Variants in UNC45A observed in about 807,000 individuals in gnomAD.
UNC45A encodes unc-45 myosin chaperone A.
Under a neutral mutation model 103.2 loss-of-function variants are expected in UNC45A, and 78 were observed. The observed-to-expected ratio is 0.76, with a 90% CI of 0.63 to 0.91. The LOEUF (loss-of-function observed/expected upper bound fraction) is 0.91, where lower values mean the gene tolerates loss of function less well. Ranked by LOEUF, UNC45A falls within the 40% of genes least tolerant of loss-of-function variation. The probability of loss-of-function intolerance (pLI) is 0.00; values close to 1 mark genes in which losing one functional copy is unlikely to be tolerated. For missense variants in UNC45A, 1,193 were observed against 1,224.8 expected, an observed-to-expected ratio of 0.97 and a Z score of 0.39; for synonymous variants, 495 against 504.6, an observed-to-expected ratio of 0.98 and a Z score of 0.25.
upstream of UNC45A, chr15:90,935,083 G>T: frequency 1.7e-6 from 1 of 578,564 alleles, no homozygotes; most frequent in East Asian, 3.1e-5. Context: ...TGGGTCCTCC[G>T]CCGCGAGCTC....
chr15:90,940,710 C>T, intron 6 of UNC45A: 1 of 300,736 alleles, frequency 3.3e-6, no homozygotes, highest in Non-Finnish European at 6.0e-6. Flanking sequence ...GTCAGGAGTT[C>T]AAGACCAGCC....
intron 6 of UNC45A, among the ~76,000 whole-genome samples, chr15:90,941,654 C>G (rs892580168): frequency 2.6e-5 from 4 of 152,012 alleles, no homozygotes; most frequent in Non-Finnish European, 5.9e-5. Context: ...CTAGGGTTCT[C>G]CAGCTTAGAA....
upstream of UNC45A, chr15:90,931,543 C>G (rs2035791578): frequency 6.2e-7 from 1 of 1,614,074 alleles, no homozygotes; most frequent in Admixed American, 1.7e-5. Context: ...CTTGGCCCAG[C>G]TATTGTATTT....
chr15:90,945,373 TTTC>T (rs2036511081), intron 9 of UNC45A, among the ~76,000 whole-genome samples: 1 of 152,180 alleles, frequency 6.6e-6, no homozygotes, highest in South Asian at 2.1e-4. Flanking sequence ...TTTTTTTTTT[TTTC>T]TTGAGACAGA....
At position 90,936,049 on chromosome 15, in the gene UNC45A, G is replaced by A. The variant is rs373177316; in HGVS notation, c.250+67G>A. 117 of 1,603,094 alleles carry A rather than the reference G, an allele frequency of 7.3e-5. 1 individual carries two copies. The highest frequency in any genetic ancestry group is 9.9e-5 in the Non-Finnish European group (116 of 1,175,122). On this transcript the variant is annotated intron_variant, in intron 3 of 19. Coordinates refer to ENST00000418476, the MANE Select transcript of UNC45A (RefSeq NM_018671.5). ...TGTGGTGGGCAAGGACTCTGGGACC[G>A]CTGCACCGTCACATTCTCCTCCTTT...
At chr15:90,937,027 A>C (rs1171115775) in intron 4 of UNC45A, among the ~76,000 whole-genome samples, 1 of 152,240 alleles carries the variant, frequency 6.6e-6, no homozygotes, top group Non-Finnish European at 1.5e-5. Flanking sequence ...TGAAATGGGA[A>C]GCTCTGGGAC....
At chr15:90,950,665 A>C (rs1436605849) in intron 17 of UNC45A, 50 bp downstream of exon 17, 26 of 1,569,584 alleles carry the variant, frequency 1.7e-5, no homozygotes, top group Non-Finnish European at 2.3e-5. Context: ...GGGATTCGGA[A>C]TATCCCCCAC....
At chr15:90,937,487 ATTG>A (rs1214792528) in intron 4 of UNC45A, among the ~76,000 whole-genome samples, 10 of 148,784 alleles carry the variant, frequency 6.7e-5, no homozygotes, top group African/African-American at 2.3e-4. Context: ...AAGGAAAATA[ATTG>A]TTTTTTTTTT....
At position 90,943,091 on chromosome 15, in the gene UNC45A, T is replaced by C. The variant is rs760930221; in HGVS notation, c.1027+9T>C. The C allele has an allele frequency of 6.3e-7, 1 of 1,581,854 alleles. No individual in the cohort carries two copies. On this transcript the variant is annotated intron_variant, in intron 8 of 19. Coordinates refer to ENST00000418476, the MANE Select transcript of UNC45A (RefSeq NM_018671.5). ...CTGGGTCATCGACCAAGGTAGGTGA[T>C]ATAGTTCACAAAAACTTGCTTCAGC...
intron 4 of UNC45A, among the ~76,000 whole-genome samples, chr15:90,938,533 A>T (rs2036129365): frequency 6.6e-6 from 1 of 152,014 alleles, no homozygotes; most frequent in African/African-American, 2.4e-5. Context: ...ACGTGCCATG[A>T]CTGGTTAGTC....
In UNC45A at chr15:90,936,317, C is replaced by G. The variant is rs751816588; in HGVS notation, c.283C>G (p.Leu95Val). The G allele has an allele frequency of 6.2e-7, 1 of 1,613,968 alleles. No homozygotes were observed. Among genetic ancestry groups the G allele is most frequent in the East Asian group, 2.2e-5 (1 of 44,882 alleles). Residue 95 changes from leucine to valine, a missense_variant, in exon 4 of 20, where the codon CTC (leucine) becomes GTC (valine). Coordinates refer to ENST00000418476, the MANE Select transcript of UNC45A (RefSeq NM_018671.5). Reference sequence around the variant, plus strand: ...AAAGGATGGTGGGGATGTCAAAGCACTCTACCGGCGGAGCCAAGCCCTAGA... The same window carrying G: ...AAAGGATGGTGGGGATGTCAAAGCAGTCTACCGGCGGAGCCAAGCCCTAGA... Reference protein sequence around the residue: ...IEKDGGDVKALYRRSQALEKL... With the variant: ...IEKDGGDVKAVYRRSQALEKL...
At chr15:90,935,283 C>T, upstream of UNC45A, 4 of 1,577,136 alleles carry the variant, frequency 2.5e-6, no homozygotes, top group South Asian at 1.1e-5. Flanking sequence ...TCGCCCCGCC[C>T]CAGAGACTGC....
chr15:90,939,885 C>CTT, intron 5 of UNC45A, 62 bp downstream of exon 5: 7 of 1,497,312 alleles, frequency 4.7e-6, no homozygotes, highest in Admixed American at 3.6e-5. Flanking sequence ...CCATAGGCCC[C>CTT]CGAAGCCACT....
At chr15:90,943,922 C>T (rs1394137972) in intron 8 of UNC45A, among the ~76,000 whole-genome samples, 1 of 147,504 alleles carries the variant, frequency 6.8e-6, no homozygotes, top group Non-Finnish European at 1.5e-5. Flanking sequence ...CTCCTGACCT[C>T]AAACAATGCA....
At chr15:90,935,483 C>A in intron 1 of UNC45A, 61 bp from the exon 2 acceptor site, 36 of 1,574,014 alleles carry the variant, frequency 2.3e-5, no homozygotes, top group Non-Finnish European at 3.1e-5. Flanking sequence ...CTCCTCTCCC[C>A]TTAGCTCCCG....
In UNC45A at chr15:90,938,483, A is replaced by T. The variant is rs374619205; in HGVS notation, c.427-1248A>T. Among the ~76,000 whole-genome samples the T allele has an allele frequency of 3.4e-4, 52 of 152,076 alleles. 1 individual carries two copies. The highest frequency in any genetic ancestry group is 1.2e-3 in the African/African-American group (49 of 41,476). ...AGTGGCTGCCCAGAGTCCTATGTTGAGAAGAATTAGGAAGCAGATTGCCTG... is the reference window on the plus strand; with the variant it reads ...AGTGGCTGCCCAGAGTCCTATGTTGTGAAGAATTAGGAAGCAGATTGCCTG... On this transcript the variant is annotated intron_variant, in intron 4 of 19. Coordinates refer to ENST00000418476, the MANE Select transcript of UNC45A (RefSeq NM_018671.5).
chr15:90,941,577 G>C (rs2036289313), intron 6 of UNC45A, among the ~76,000 whole-genome samples: 1 of 152,182 alleles, frequency 6.6e-6, no homozygotes, highest in South Asian at 2.1e-4. Flanking sequence ...TCACAGTCTT[G>C]GCCAAGGACA....
chr15:90,931,747 G>GTCT (rs761655471), upstream of UNC45A: 3 of 1,614,146 alleles, frequency 1.9e-6, no homozygotes, highest in Non-Finnish European at 2.5e-6. Flanking sequence ...TGTACAGCTT[G>GTCT]TCTGCCAGCT....
At chr15:90,946,936 G>T in intron 10 of UNC45A, 22 bp downstream of exon 10, 3 of 1,545,308 alleles carry the variant, frequency 1.9e-6, no homozygotes, top group Admixed American at 1.7e-5. Flanking sequence ...GGCCTGGGGT[G>T]GGTGGGCAGG....
Sources: allele counts gnomAD v4.1 joint callset (sites outside exome capture counted in the v4.1 genomes callset), GRCh38; gene constraint gnomAD v4.1.1; transcripts MANE v1.5; gene names NCBI Gene and HGNC (gene_info 2026-07-23, HGNC 2026-07-21).